Variants in CATSPERE observed in about 807,000 individuals in gnomAD.
CATSPERE encodes cation channel sperm-associated auxiliary subunit epsilon.
In CATSPERE, 93 loss-of-function variants were observed where a neutral mutation model predicts 114.1. That is an observed-to-expected ratio of 0.81 (90% CI 0.69 to 0.97). CATSPERE has a LOEUF of 0.97. CATSPERE is among the 50% of genes least tolerant of loss of function. The probability of loss-of-function intolerance (pLI) is 0.00; values close to 1 mark genes in which losing one functional copy is unlikely to be tolerated. For synonymous variants in CATSPERE, 341 were observed against 384.1 expected, an observed-to-expected ratio of 0.89 and a Z score of 1.31; for missense variants, 1,058 against 1,131.6, an observed-to-expected ratio of 0.93 and a Z score of 0.93.
At chr1:244,572,283 C>T (rs113069472) in intron 10 of CATSPERE, 47 bp from the exon 11 acceptor site, 20 of 926,688 alleles carry the variant, frequency 2.2e-5, no homozygotes, top group Middle Eastern at 3.4e-4. Flanking sequence ...TAAAACAGCA[C>T]GATTTATGGT....
chr1:244,541,724 A>G, intron 8 of CATSPERE, among the ~76,000 whole-genome samples: 1 of 147,572 alleles, frequency 6.8e-6, no homozygotes, highest in Non-Finnish European at 1.5e-5. Context: ...TTATTGCGGC[A>G]CTATTCACAA....
At chr1:244,455,724 T>A (rs1167593067) in intron 1 of CATSPERE, among the ~76,000 whole-genome samples, 3 of 152,112 alleles carry the variant, frequency 2.0e-5, no homozygotes, top group African/African-American at 7.2e-5. Flanking sequence ...AATGTACACA[T>A]GAGAGGCCCT....
intron 7 of CATSPERE, 85 bp from the exon 8 acceptor site, chr1:244,518,507 T>A (rs973507529): frequency 5.3e-5 from 46 of 862,416 alleles, no homozygotes; most frequent in East Asian, 4.7e-4. Flanking sequence ...TTAACGAAAA[T>A]AACAAATTCA....
chr1:244,512,759 T>G (rs1254835136), intron 7 of CATSPERE, among the ~76,000 whole-genome samples: 1 of 152,236 alleles, frequency 6.6e-6, no homozygotes, highest in East Asian at 1.9e-4. Flanking sequence ...TGGATATTTC[T>G]TCAGTGTTGG....
At chr1:244,508,882 T>C (rs1301532775) in intron 7 of CATSPERE, among the ~76,000 whole-genome samples, 3 of 149,348 alleles carry the variant, frequency 2.0e-5, no homozygotes, top group Non-Finnish European at 4.4e-5. Context: ...GTGCCTGTAG[T>C]GCCAGCTACG....
At chr1:244,519,195 C>G (rs574561276) in intron 8 of CATSPERE, among the ~76,000 whole-genome samples, 1 of 152,282 alleles carries the variant, frequency 6.6e-6, no homozygotes, top group South Asian at 2.1e-4. Context: ...AATAATCTTT[C>G]ATTTAGTGCA....
chr1:244,461,794 T>G (rs569289016), intron 1 of CATSPERE, among the ~76,000 whole-genome samples: 3 of 152,356 alleles, frequency 2.0e-5, no homozygotes, highest in African/African-American at 7.2e-5. Context: ...AATCTTACTT[T>G]TTTGTTTGTT....
chr1:244,582,643 C>T (rs889959228), intron 12 of CATSPERE, among the ~76,000 whole-genome samples: 1 of 152,026 alleles, frequency 6.6e-6, no homozygotes, highest in Non-Finnish European at 1.5e-5. Flanking sequence ...CTCAGGTGAT[C>T]CGCCCACCTT....
Position 244,605,802 on chromosome 1 carries a change from A to G in CATSPERE, c.2403+8A>G, listed in dbSNP as rs376911936. 3.8e-6 allele frequency: 6 copies of G among 1,578,450 alleles called. No individual in the cohort carries two copies. The African/African-American group carries it at 6.8e-5, about 18-fold the overall frequency. On this transcript the variant is annotated splice_region_variant and intron_variant, in intron 18 of 21. Coordinates refer to ENST00000366534, the MANE Select transcript of CATSPERE (RefSeq NM_001130957.2). ...AATAATACTATGGCACAGGTATGGCATCTTTGGATTTAACCAGAATTTAGC... is the reference window on the plus strand; with the variant it reads ...AATAATACTATGGCACAGGTATGGCGTCTTTGGATTTAACCAGAATTTAGC...
chr1:244,455,230 C>T (rs1305069866), intron 1 of CATSPERE, among the ~76,000 whole-genome samples: 2 of 152,030 alleles, frequency 1.3e-5, no homozygotes, highest in Non-Finnish European at 2.9e-5. Context: ...ATTTCTGTAA[C>T]TTTGCCATTT....
intron 6 of CATSPERE, among the ~76,000 whole-genome samples, chr1:244,493,296 C>CAT (rs1429205108): frequency 6.6e-6 from 1 of 152,194 alleles, no homozygotes; most frequent in African/African-American, 2.4e-5. Flanking sequence ...AATACTGCCA[C>CAT]ATATCTACAA....
chr1:244,517,406 A>G (rs962023283), intron 7 of CATSPERE, among the ~76,000 whole-genome samples: 16 of 152,108 alleles, frequency 1.1e-4, no homozygotes, highest in African/African-American at 3.9e-4. Flanking sequence ...AATAGTGAAT[A>G]TGATTTTCAG....
At position 244,605,365 on chromosome 1, in the gene CATSPERE, C is replaced by A. The variant is rs193202789; in HGVS notation, c.2304-330C>A. Among the ~76,000 whole-genome samples, 5 of 152,264 alleles carry A rather than the reference C, an allele frequency of 3.3e-5. No homozygotes were observed. The East Asian group carries it at 9.6e-4, about 29-fold the overall frequency. On this transcript the variant is annotated intron_variant, in intron 17 of 21. Transcript: ENST00000366534. ...ACCTGATCAACAGATGGACCCTGTCCAGTGAAGAGAACTTAGAGTTCCAAA... is the reference window on the plus strand; with the variant it reads ...ACCTGATCAACAGATGGACCCTGTCAAGTGAAGAGAACTTAGAGTTCCAAA...
chr1:244,532,558 G>A (rs1679778385), intron 8 of CATSPERE, among the ~76,000 whole-genome samples: 1 of 151,980 alleles, frequency 6.6e-6, no homozygotes, highest in South Asian at 2.1e-4. Flanking sequence ...TTTCATCCGT[G>A]CCTGTTGTCT....
upstream of CATSPERE, among the ~76,000 whole-genome samples, chr1:244,453,285 T>C (rs1665793442): frequency 6.6e-6 from 1 of 152,246 alleles, no homozygotes; most frequent in Non-Finnish European, 1.5e-5. Flanking sequence ...GAGGTAGTGT[T>C]GGGCAGATAG....
At chr1:244,459,369 G>A (rs562696516), upstream of CATSPERE, among the ~76,000 whole-genome samples, 34 of 152,256 alleles carry the variant, frequency 2.2e-4, no homozygotes, top group East Asian at 3.9e-4. Flanking sequence ...GAGCCACCGC[G>A]CCCAGCCTGG....
intron 7 of CATSPERE, among the ~76,000 whole-genome samples, chr1:244,503,446 A>T (rs1378338689): frequency 6.6e-6 from 1 of 152,048 alleles, no homozygotes; most frequent in African/African-American, 2.4e-5. Context: ...CTGAAATTCC[A>T]TTTCAACATA....
intron 18 of CATSPERE, among the ~76,000 whole-genome samples, chr1:244,606,176 T>C (rs944614590): frequency 1.3e-4 from 20 of 152,116 alleles, no homozygotes; most frequent in Non-Finnish European, 2.5e-4. Context: ...CCCTGCATCA[T>C]TTGACCCTGC....
At chr1:244,570,228 C>A (rs1237351769) in intron 10 of CATSPERE, among the ~76,000 whole-genome samples, 4 of 152,008 alleles carry the variant, frequency 2.6e-5, no homozygotes, top group Admixed American at 2.6e-4. Context: ...AATTTATTGG[C>A]AAAAGTAGGC....
Sources: gnomAD v4.1 joint callset for allele counts (sites outside exome capture counted in the v4.1 genomes callset) on GRCh38, gnomAD v4.1.1 for gene constraint, MANE v1.5 for transcripts, NCBI Gene and HGNC (gene_info 2026-07-23, HGNC 2026-07-21) for gene names.